Variants in HEATR5A observed in about 807,000 individuals in gnomAD.
The protein encoded by HEATR5A is HEAT repeat containing 5A, also known as HEAT repeat-containing protein 5A.
HEATR5A carries 178 observed loss-of-function variants against 218.8 expected under a neutral mutation model. The ratio of observed to expected loss-of-function variants is 0.81; its 90% CI spans 0.72 to 0.92. The LOEUF (loss-of-function observed/expected upper bound fraction) is 0.92, where lower values mean the gene tolerates loss of function less well. HEATR5A is among the 40% of genes least tolerant of loss of function. HEATR5A has a pLI of 0.00. For synonymous variants in HEATR5A, 864 were observed against 871.6 expected (o/e 0.99, Z 0.15); for missense variants, 2,420 against 2,418.9 (o/e 1.00, Z -0.01).
intron 22 of HEATR5A, chr14:31,334,407 T>C (rs1389930341): frequency 2.2e-6 from 1 of 456,186 alleles, no homozygotes; most frequent in African/African-American, 2.0e-5. Context: ...ATTATCATTC[T>C]AGATGGTTTC....
intron 1 of HEATR5A, among the ~76,000 whole-genome samples, chr14:31,407,816 C>A (rs187709867): frequency 6.6e-6 from 1 of 152,190 alleles, no homozygotes; most frequent in African/African-American, 2.4e-5. Flanking sequence ...TTAGTAGAGA[C>A]AGGGTTTCAC....
chr14:31,333,168 A>C (rs546760945), intron 22 of HEATR5A, among the ~76,000 whole-genome samples: 33 of 152,280 alleles, frequency 2.2e-4, no homozygotes, highest in Non-Finnish European at 4.4e-4. Context: ...ATAAAAATGC[A>C]AGATAAAGCA....
At chr14:31,335,342 A>G (rs1900617139) in intron 22 of HEATR5A, among the ~76,000 whole-genome samples, 1 of 152,044 alleles carries the variant, frequency 6.6e-6, no homozygotes, top group Admixed American at 6.6e-5. Flanking sequence ...AAGTTGAAGC[A>G]AAAGTTTTTA....
intron 24 of HEATR5A, among the ~76,000 whole-genome samples, chr14:31,322,841 A>AAT (rs1468155533): frequency 2.6e-5 from 4 of 151,652 alleles, no homozygotes; most frequent in African/African-American, 9.7e-5. Flanking sequence ...AAAAAACACA[A>AAT]ATATGTATTG....
In HEATR5A at chr14:31,315,864, G is replaced by C; in HGVS notation, c.4124C>G (p.Thr1375Ser). Residue 1375 changes from threonine (T) to serine (S), a missense_variant, in exon 27 of 36, where the codon ACT (threonine) becomes AGT (serine). Physicochemically the swap from Thr to Ser is moderately conservative, Grantham distance 58. Transcript: ENST00000543095. ...AGCTTCTTTTCCAGCCTGTATTTTA[G>C]TTAACGATGAAACAAGCAACTGATG... Reference protein sequence around the residue: ...RVHQLLVSSLTKIQAGKEALS... With the variant: ...RVHQLLVSSLSKIQAGKEALS... The C allele has an allele frequency of 6.2e-7, 1 of 1,608,304 alleles. No individual in the cohort carries two copies. Among genetic ancestry groups the C allele is most frequent in the Non-Finnish European group, 8.5e-7 (1 of 1,177,054 alleles).
chr14:31,409,319 ATTACAGGCG>A (rs1400938748), intron 1 of HEATR5A, among the ~76,000 whole-genome samples: 2 of 146,822 alleles, frequency 1.4e-5, no homozygotes, highest in African/African-American at 2.5e-5. Flanking sequence ...AAGTGCTGGG[ATTACAGGCG>A]TGAGCCACCA....
chr14:31,318,056 T>C, intron 26 of HEATR5A, among the ~76,000 whole-genome samples, 168 bp downstream of exon 26: 1 of 152,212 alleles, frequency 6.6e-6, no homozygotes, highest in Non-Finnish European at 1.5e-5. Context: ...CATATCTATA[T>C]AGTGGATTAT....
intron 22 of HEATR5A, among the ~76,000 whole-genome samples, chr14:31,331,626 GTC>G (rs1488450797): frequency 6.6e-6 from 1 of 152,104 alleles, no homozygotes; most frequent in African/African-American, 2.4e-5. Flanking sequence ...TACTGTATTA[GTC>G]TGTTTTCACA....
At chr14:31,306,358 C>T (rs1054148878) in intron 31 of HEATR5A, among the ~76,000 whole-genome samples, 69 of 152,226 alleles carry the variant, frequency 4.5e-4, no homozygotes, top group African/African-American at 1.6e-3. Context: ...TGGCATGTGC[C>T]TGATGCCCTA....
chr14:31,297,672 A>T (rs1899234072), intron 33 of HEATR5A: 1 of 152,020 alleles, frequency 6.6e-6, no homozygotes, highest in African/African-American at 2.4e-5. Context: ...ATTTTAAGGT[A>T]AAATAAGTAC....
At chr14:31,400,817 G>A (rs1162191977) in intron 2 of HEATR5A, among the ~76,000 whole-genome samples, 1 of 148,528 alleles carries the variant, frequency 6.7e-6, no homozygotes, top group Non-Finnish European at 1.5e-5. Context: ...TTGAAAGGCA[G>A]AGCAAATTTG....
intron 12 of HEATR5A, 65 bp downstream of exon 12, chr14:31,374,751 T>C (rs776181041): frequency 2.2e-5 from 32 of 1,438,516 alleles, no homozygotes; most frequent in Non-Finnish European, 2.8e-5. Context: ...TACAAGTACA[T>C]GTTAAAGACA....
At chr14:31,324,228 G>A (rs1300950902) in intron 23 of HEATR5A, among the ~76,000 whole-genome samples, 1 of 142,448 alleles carries the variant, frequency 7.0e-6, no homozygotes, top group African/African-American at 3.1e-5. Flanking sequence ...AGCCTTGCAT[G>A]GATTTCAGGA....
At chr14:31,297,668 A>C (rs1452548594) in intron 33 of HEATR5A, 2 of 152,032 alleles carry the variant, frequency 1.3e-5, no homozygotes, top group Non-Finnish European at 2.9e-5. Flanking sequence ...AGTGATTTTA[A>C]GGTAAAATAA....
At chr14:31,402,746 T>C (rs1276581446) in intron 2 of HEATR5A, 104 bp downstream of exon 2, 8 of 1,085,802 alleles carry the variant, frequency 7.4e-6, no homozygotes, top group Admixed American at 5.3e-5. Context: ...AAGTCTAACA[T>C]TGTAAAGCTA....
At chr14:31,317,453 C>A (rs963117508) in intron 26 of HEATR5A, among the ~76,000 whole-genome samples, 1 of 151,876 alleles carries the variant, frequency 6.6e-6, no homozygotes, top group Non-Finnish European at 1.5e-5. Context: ...ACAACAGACA[C>A]CTGCCACCAC....
chr14:31,413,312 C>T (rs2031343743), intron 1 of HEATR5A, among the ~76,000 whole-genome samples: 1 of 151,542 alleles, frequency 6.6e-6, no homozygotes, highest in East Asian at 1.9e-4. Context: ...AAGAATTTAA[C>T]ACCGGGACAA....
intron 26 of HEATR5A, among the ~76,000 whole-genome samples, chr14:31,316,877 A>G (rs938170225): frequency 6.6e-6 from 1 of 152,116 alleles, no homozygotes; most frequent in South Asian, 2.1e-4. Context: ...TTATAGAGAA[A>G]GGATCTCCCC....
chr14:31,403,080 A>AC, intron 1 of HEATR5A, 31 bp from the exon 2 acceptor site: 1 of 1,051,624 alleles, frequency 9.5e-7, no homozygotes, highest in Non-Finnish European at 1.3e-6. Flanking sequence ...GTATTTTAAA[A>AC]GGGGGGTAAA....
Sources: gnomAD v4.1 joint callset for allele counts (sites outside exome capture counted in the v4.1 genomes callset) on GRCh38, gnomAD v4.1.1 for gene constraint, MANE v1.5 for transcripts, NCBI Gene and HGNC (gene_info 2026-07-23, HGNC 2026-07-21) for gene names.